AUTS2: variants seen among roughly 807,000 people sequenced by gnomAD.
AUTS2 encodes activator of transcription and developmental regulator AUTS2.
In AUTS2, 17 loss-of-function variants were observed where a neutral mutation model predicts 112.4. That is an observed-to-expected ratio of 0.15 (90% CI 0.10 to 0.23). The LOEUF (loss-of-function observed/expected upper bound fraction) is 0.23. Among genes scored for constraint, AUTS2 ranks in the 10% least tolerant of loss-of-function variants. AUTS2 has a pLI of 1.00. For missense variants in AUTS2, 1,510 were observed against 1,701.6 expected (o/e 0.89, Z 1.98); for synonymous variants, 751 against 702.7 (o/e 1.07, Z -1.09).
chr7:70,405,913 T>G (rs1193629536), intron 4 of AUTS2, among the ~76,000 whole-genome samples: 1 of 152,186 alleles, frequency 6.6e-6, no homozygotes, highest in Non-Finnish European at 1.5e-5. Flanking sequence ...AATAGAGAAA[T>G]AAAACACACT....
Position 70,541,364 on chromosome 7 carries a change from C to T in AUTS2, c.690+105583C>T, listed in dbSNP as rs142544015. Among the ~76,000 whole-genome samples the T allele has an allele frequency of 1.8e-3, 279 of 152,248 alleles. 2 individuals are homozygous for T. Among genetic ancestry groups the T allele is most frequent in the African/African-American group, 6.4e-3 (267 of 41,550 alleles). Reference sequence around the variant, plus strand: ...GCTGTTTCGATAGCCTTAAAAGGGTCGTTCATTTATTTCAAGTTTAATCGA... The same window carrying T: ...GCTGTTTCGATAGCCTTAAAAGGGTTGTTCATTTATTTCAAGTTTAATCGA... On this transcript the variant is annotated intron_variant, in intron 5 of 18. Transcript: ENST00000342771.
intron 4 of AUTS2, among the ~76,000 whole-genome samples, chr7:70,405,337 C>T (rs1399126433): frequency 1.3e-5 from 2 of 152,212 alleles, no homozygotes; most frequent in African/African-American, 4.8e-5. Context: ...CCATCTCTGT[C>T]TTCATAGACT....
chr7:70,488,000 T>G (rs1798082593), intron 5 of AUTS2, among the ~76,000 whole-genome samples: 1 of 152,146 alleles, frequency 6.6e-6, no homozygotes, highest in Non-Finnish European at 1.5e-5. Flanking sequence ...TCAGACCTGG[T>G]GGTCTGGGCA....
intron 4 of AUTS2, among the ~76,000 whole-genome samples, chr7:70,145,460 T>C (rs1807077625): frequency 6.6e-6 from 1 of 152,104 alleles, no homozygotes; most frequent in Non-Finnish European, 1.5e-5. Flanking sequence ...CCTCTCTGAG[T>C]TATTCTAATG....
chr7:69,831,123 C>G (rs1192816226), intron 1 of AUTS2, among the ~76,000 whole-genome samples: 2 of 152,112 alleles, frequency 1.3e-5, no homozygotes, highest in Admixed American at 1.3e-4. Context: ...ATCCCCACTC[C>G]CCAAGAAGGT....
intron 1 of AUTS2, among the ~76,000 whole-genome samples, chr7:69,758,542 A>G (rs1476359655): frequency 2.6e-5 from 4 of 152,198 alleles, no homozygotes; most frequent in Non-Finnish European, 5.9e-5. Context: ...TAAAATGGCC[A>G]ATATTTTCAG....
At chr7:70,753,634 G>A (rs911735782) in intron 6 of AUTS2, among the ~76,000 whole-genome samples, 2 of 152,174 alleles carry the variant, frequency 1.3e-5, no homozygotes, top group African/African-American at 4.8e-5. Context: ...AGAGGGAGAG[G>A]AGGAAAATAA....
intron 4 of AUTS2, among the ~76,000 whole-genome samples, chr7:70,311,458 G>A (rs1237107643): frequency 1.3e-5 from 2 of 152,212 alleles, no homozygotes; most frequent in Non-Finnish European, 2.9e-5. Context: ...TTGCAGTGTG[G>A]CTGACGCCAG....
intron 6 of AUTS2, among the ~76,000 whole-genome samples, chr7:70,707,951 T>G (rs1339007367): frequency 6.6e-6 from 1 of 152,168 alleles, no homozygotes; most frequent in Non-Finnish European, 1.5e-5. Context: ...CCGATCTGCG[T>G]CTCTGACCCT....
intron 5 of AUTS2, among the ~76,000 whole-genome samples, chr7:70,574,318 G>A (rs1044008913): frequency 1.3e-5 from 2 of 152,134 alleles, no homozygotes; most frequent in Non-Finnish European, 2.9e-5. Context: ...CACCTGGAAG[G>A]TCCCTGCAGA....
chr7:69,645,617 A>G (rs73704313), intron 1 of AUTS2, among the ~76,000 whole-genome samples: 4 of 152,336 alleles, frequency 2.6e-5, no homozygotes, highest in African/African-American at 9.6e-5. Flanking sequence ...ACCTAGCAGG[A>G]CATGTGGCAT....
chr7:70,258,368 G>A (rs1177987967), intron 4 of AUTS2, among the ~76,000 whole-genome samples: 1 of 152,180 alleles, frequency 6.6e-6, no homozygotes. Flanking sequence ...TCATTTTCAC[G>A]CAATTTTCAT....
At chr7:70,466,820 A>G (rs990032198) in intron 5 of AUTS2, among the ~76,000 whole-genome samples, 24 of 152,190 alleles carry the variant, frequency 1.6e-4, no homozygotes, top group Admixed American at 1.6e-3. Flanking sequence ...GCAGGGATAG[A>G]CATGATCAGA....
chr7:69,606,359 C>CT (rs5884762), intron 1 of AUTS2, among the ~76,000 whole-genome samples: 93,551 of 151,968 alleles, frequency 0.62, 29,108 homozygotes, highest in East Asian at 0.7. Flanking sequence ...TAATTTAGGT[C>CT]TAAGAGCTAC....
At chr7:69,901,356 A>T (rs1794963484) in intron 2 of AUTS2, among the ~76,000 whole-genome samples, 1 of 151,798 alleles carries the variant, frequency 6.6e-6, no homozygotes, top group Non-Finnish European at 1.5e-5. Flanking sequence ...GCGGATCCTC[A>T]TCCTTGAATC....
At chr7:70,448,173 A>G in intron 5 of AUTS2, among the ~76,000 whole-genome samples, 1 of 152,000 alleles carries the variant, frequency 6.6e-6, no homozygotes, top group East Asian at 1.9e-4. Context: ...ACACGGAAAT[A>G]CCCCTTTTTA....
At chr7:69,716,494 C>T (rs1000507040) in intron 1 of AUTS2, among the ~76,000 whole-genome samples, 3 of 152,066 alleles carry the variant, frequency 2.0e-5, no homozygotes, top group African/African-American at 7.2e-5. Flanking sequence ...TTTTCTTATT[C>T]TCAGTCACTT....
intron 4 of AUTS2, among the ~76,000 whole-genome samples, chr7:70,136,839 C>T (rs1806589177): frequency 6.6e-6 from 1 of 152,160 alleles, no homozygotes; most frequent in Non-Finnish European, 1.5e-5. Flanking sequence ...TGAACACTGT[C>T]CCAAGCCCCA....
intron 4 of AUTS2, among the ~76,000 whole-genome samples, chr7:70,391,675 A>C (rs558949727): frequency 2.7e-4 from 41 of 152,026 alleles, no homozygotes; most frequent in Non-Finnish European, 5.4e-4. Context: ...CTAAAAAATA[A>C]TAACAATAAA....
Sources: allele counts gnomAD v4.1 joint callset (sites outside exome capture counted in the v4.1 genomes callset), GRCh38; gene constraint gnomAD v4.1.1; transcripts MANE v1.5; gene names NCBI Gene and HGNC (gene_info 2026-07-23, HGNC 2026-07-21).